SLC8A1: variants seen among roughly 807,000 people sequenced by gnomAD.
The protein encoded by SLC8A1 is solute carrier family 8 member A1.
In SLC8A1, 18 loss-of-function variants were observed where a neutral mutation model predicts 68.3. That is an observed-to-expected ratio of 0.26 (90% CI 0.18 to 0.39). The LOEUF is 0.39. Among genes scored for constraint, SLC8A1 ranks in the 10% least tolerant of loss-of-function variants. The pLI is 1.00. For synonymous variants in SLC8A1, 475 were observed against 415.5 expected (o/e 1.14, Z -1.74); for missense variants, 985 against 1,156.7 (o/e 0.85, Z 2.15).
intron 2 of SLC8A1, among the ~76,000 whole-genome samples, chr2:40,339,742 T>C (rs1447842213): frequency 6.6e-6 from 1 of 152,204 alleles, no homozygotes; most frequent in Non-Finnish European, 1.5e-5. Flanking sequence ...GAGTATGAGT[T>C]GGGCATTGTG....
At chr2:40,326,277 T>C (rs2075816247) in intron 2 of SLC8A1, among the ~76,000 whole-genome samples, 1 of 152,170 alleles carries the variant, frequency 6.6e-6, no homozygotes, top group African/African-American at 2.4e-5. Context: ...TCTTTGCCTG[T>C]GCTGCTAAAC....
intron 2 of SLC8A1, among the ~76,000 whole-genome samples, chr2:40,411,453 G>A (rs555073271): frequency 6.6e-6 from 1 of 152,028 alleles, no homozygotes; most frequent in African/African-American, 2.4e-5. Context: ...GCCTTACCAT[G>A]TCTATAAATT....
chr2:40,384,933 T>A (rs757685519), intron 2 of SLC8A1, among the ~76,000 whole-genome samples: 7 of 152,096 alleles, frequency 4.6e-5, no homozygotes, highest in Non-Finnish European at 1.0e-4. Flanking sequence ...AAGGATTGCA[T>A]AATCAAGGTC....
At chr2:40,149,730 T>C (rs1395339935) in intron 6 of SLC8A1, among the ~76,000 whole-genome samples, 1 of 152,180 alleles carries the variant, frequency 6.6e-6, no homozygotes, top group African/African-American at 2.4e-5. Context: ...ACGAGGCTGC[T>C]GTGGGGCTTA....
intron 2 of SLC8A1, among the ~76,000 whole-genome samples, chr2:40,372,619 C>G (rs958812671): frequency 1.3e-5 from 2 of 152,018 alleles, no homozygotes; most frequent in African/African-American, 2.4e-5. Context: ...CTTCTTTTGG[C>G]CTTTAGGCTA....
At chr2:40,238,055 T>A (rs1627626) in intron 2 of SLC8A1, among the ~76,000 whole-genome samples, 97,790 of 152,010 alleles carry the variant, frequency 0.64, 31,961 homozygotes, top group Middle Eastern at 0.79. Context: ...CTGCTGTCTT[T>A]TTGTTTGTCT....
intron 2 of SLC8A1, among the ~76,000 whole-genome samples, chr2:40,372,660 T>C (rs78282197): frequency 0.019 from 2,941 of 152,218 alleles, 92 homozygotes; most frequent in African/African-American, 0.066. Context: ...TATTCAACTA[T>C]TCTTGGAAAT....
chr2:40,249,376 A>G lies in SLC8A1; in HGVS notation c.1809-71521T>C, dbSNP rs2062382597. On this transcript the variant is annotated intron_variant, in intron 2 of 7. Transcript: ENST00000406785. The stretch of plus-strand genomic sequence containing the variant: ...TAAGTATTTTTACTTTAAAAAAAGG[A>G]TAGAAACAAAGCAATGTGTCCCATT... Among the ~76,000 whole-genome samples, 7 of 152,348 alleles carry G rather than the reference A, an allele frequency of 4.6e-5. No individual in the cohort carries two copies. In the South Asian group the frequency reaches 1.2e-3, roughly 27 times the overall value.
chr2:40,317,954 G>A (rs1357196284), intron 2 of SLC8A1, among the ~76,000 whole-genome samples: 1 of 152,066 alleles, frequency 6.6e-6, no homozygotes, highest in Non-Finnish European at 1.5e-5. Context: ...CACTAACAGT[G>A]CAGATTTCCT....
chr2:40,492,633 C>G (rs1163595725), intron 1 of SLC8A1, among the ~76,000 whole-genome samples: 1 of 149,280 alleles, frequency 6.7e-6, no homozygotes, highest in Non-Finnish European at 1.5e-5. Flanking sequence ...ACAATGAACT[C>G]AAACAAATTT....
chr2:40,253,135 ATG>A (rs1445846084), intron 2 of SLC8A1, among the ~76,000 whole-genome samples: 4 of 109,268 alleles, frequency 3.7e-5, no homozygotes, highest in Non-Finnish European at 5.4e-5. Flanking sequence ...ACACGTATAT[ATG>A]TATATGTATA....
intron 2 of SLC8A1, among the ~76,000 whole-genome samples, chr2:40,375,606 G>T (rs1264603494): frequency 6.6e-6 from 1 of 151,992 alleles, no homozygotes; most frequent in African/African-American, 2.4e-5. Flanking sequence ...GGCTAAGAGT[G>T]GTCTAGTCAA....
intron 2 of SLC8A1, among the ~76,000 whole-genome samples, chr2:40,274,379 C>A (rs1422915288): frequency 6.6e-6 from 1 of 152,020 alleles, no homozygotes; most frequent in Non-Finnish European, 1.5e-5. Flanking sequence ...CAGCCCCACA[C>A]TGAAGGGCAA....
In SLC8A1 at chr2:40,156,360, G is replaced by GTTTTTTTTT. The variant is rs71404280; in HGVS notation, c.2161+4396_2161+4404dup. Among the ~76,000 whole-genome samples, 966 of 140,694 alleles carry GTTTTTTTTT rather than the reference G, an allele frequency of 6.9e-3. 15 individuals carry two copies. Among genetic ancestry groups the GTTTTTTTTT allele is most frequent in the African/African-American group, 0.018 (693 of 38,520 alleles). The allele number at this position is 140,694 out of a possible 152,430, so 92.3% of individuals were successfully genotyped here. On this transcript the variant is annotated intron_variant, in intron 6 of 7. Coordinates refer to ENST00000406785, the Ensembl canonical transcript of SLC8A1. ...AAGAGACAGAACCAAAACTGCTGGAGTTTTTTTTTTTTTGAGTCACTTTTG... is the reference window on the plus strand; with the variant it reads ...AAGAGACAGAACCAAAACTGCTGGAGTTTTTTTTTTTTTTTTTTTTTTGAGTCACTTTTG...
At chr2:40,142,043 T>C (rs917383787) in intron 6 of SLC8A1, among the ~76,000 whole-genome samples, 1 of 152,200 alleles carries the variant, frequency 6.6e-6, no homozygotes, top group African/African-American at 2.4e-5. Flanking sequence ...GTCTGTGGTA[T>C]TTATTACAGC....
chr2:40,132,312 A>G (rs2039545497), intron 7 of SLC8A1, among the ~76,000 whole-genome samples: 1 of 152,116 alleles, frequency 6.6e-6, no homozygotes, highest in African/African-American at 2.4e-5. Context: ...TGGACAAGTC[A>G]TTTATTCTCT....
chr2:40,244,435 C>T (rs2148984024), intron 2 of SLC8A1, among the ~76,000 whole-genome samples: 1 of 152,130 alleles, frequency 6.6e-6, no homozygotes, highest in East Asian at 1.9e-4. Flanking sequence ...GATGACTTTT[C>T]CTGTATAATG....
chr2:40,482,777 C>A (rs115758401), intron 1 of SLC8A1, among the ~76,000 whole-genome samples: 143 of 151,192 alleles, frequency 9.5e-4, no homozygotes, highest in Middle Eastern at 3.4e-3. Context: ...ATGACAGAAG[C>A]CACAGTTAGC....
chr2:40,126,527 G>T (rs911100964), intron 7 of SLC8A1, among the ~76,000 whole-genome samples: 1 of 152,108 alleles, frequency 6.6e-6, no homozygotes, highest in Non-Finnish European at 1.5e-5. Context: ...AAGTGCTGGA[G>T]TGAGAAGGAA....
Sources: allele counts gnomAD v4.1 joint callset (sites outside exome capture counted in the v4.1 genomes callset), GRCh38; gene constraint gnomAD v4.1.1; transcripts MANE v1.5; gene names NCBI Gene and HGNC (gene_info 2026-07-23, HGNC 2026-07-21).